The following LRRC4C variants were observed in gnomAD, a reference collection of about 807,000 sequenced individuals.
LRRC4C encodes leucine rich repeat containing 4C.
In LRRC4C, 5 loss-of-function variants were observed where a neutral mutation model predicts 33.6. The observed-to-expected ratio is 0.15, with a 90% confidence interval of 0.08 to 0.31. The LOEUF is 0.31. Among genes scored for constraint, LRRC4C ranks in the 10% least tolerant of loss-of-function variants. LRRC4C has a pLI of 1.00. For synonymous variants in LRRC4C, 329 were observed against 302.0 expected, an observed-to-expected ratio of 1.09 and a Z score of -0.93; for missense variants, 560 against 796.7, an observed-to-expected ratio of 0.70 and a Z score of 3.58.
At chr11:41,149,810 TAGTTGGAAAA>T (rs1943912460) in intron 1 of LRRC4C, among the ~76,000 whole-genome samples, 3 of 151,986 alleles carry the variant, frequency 2.0e-5, no homozygotes, top group Admixed American at 1.3e-4. Context: ...GAGTTAAGAG[TAGTTGGAAAA>T]GCATCTATTT....
At chr11:41,017,576 C>A (rs1590249642) in intron 1 of LRRC4C, among the ~76,000 whole-genome samples, 1 of 151,876 alleles carries the variant, frequency 6.6e-6, no homozygotes, top group South Asian at 2.1e-4. Context: ...GAGGTTATAG[C>A]AGTAAATATA....
chr11:40,894,087 T>G (rs1054687225), intron 2 of LRRC4C, among the ~76,000 whole-genome samples: 1 of 152,184 alleles, frequency 6.6e-6, no homozygotes, highest in Admixed American at 6.5e-5. Context: ...AATTCTTAGA[T>G]GCTTTGCAGA....
At chr11:41,153,798 C>G (rs1336012590) in intron 1 of LRRC4C, among the ~76,000 whole-genome samples, 1 of 152,050 alleles carries the variant, frequency 6.6e-6, no homozygotes, top group Non-Finnish European at 1.5e-5. Context: ...GTAAATATTA[C>G]CTCATTTGGA....
At chr11:41,025,650 G>T (rs1186631542) in intron 1 of LRRC4C, among the ~76,000 whole-genome samples, 3 of 151,816 alleles carry the variant, frequency 2.0e-5, no homozygotes, top group Non-Finnish European at 4.4e-5. Context: ...GCTGATGGCT[G>T]ATGTAGAAGC....
chr11:40,512,521 T>C (rs1294627575), intron 3 of LRRC4C, among the ~76,000 whole-genome samples: 2 of 152,170 alleles, frequency 1.3e-5, no homozygotes, highest in Non-Finnish European at 2.9e-5. Flanking sequence ...TGAAACATCT[T>C]ATGTAGATAT....
intron 2 of LRRC4C, among the ~76,000 whole-genome samples, chr11:40,794,598 G>A (rs1343158430): frequency 1.3e-5 from 2 of 152,108 alleles, no homozygotes; most frequent in Non-Finnish European, 2.9e-5. Flanking sequence ...GTTGAACTAG[G>A]TAATTACAAA....
At chr11:40,192,890 A>C (rs1189502696) in intron 5 of LRRC4C, among the ~76,000 whole-genome samples, 3 of 152,194 alleles carry the variant, frequency 2.0e-5, no homozygotes. Context: ...CTGTAGCCAG[A>C]CTGCCTCTCT....
At chr11:40,297,778 T>A (rs1191565682) in intron 4 of LRRC4C, among the ~76,000 whole-genome samples, 2 of 152,184 alleles carry the variant, frequency 1.3e-5, no homozygotes, top group Admixed American at 6.5e-5. Context: ...ATGTAATCCT[T>A]CCAACAATCT....
chr11:41,251,935 T>C (rs1387807899), intron 1 of LRRC4C, among the ~76,000 whole-genome samples: 2 of 151,604 alleles, frequency 1.3e-5, no homozygotes, highest in Non-Finnish European at 2.9e-5. Context: ...AAAAGAAAAA[T>C]GGAAAAATGT....
chr11:41,109,199 C>G (rs1239665216), intron 1 of LRRC4C, among the ~76,000 whole-genome samples: 1 of 151,924 alleles, frequency 6.6e-6, no homozygotes, highest in African/African-American at 2.4e-5. Context: ...TTACCCTGTA[C>G]TTTTCTACTA....
intron 3 of LRRC4C, among the ~76,000 whole-genome samples, chr11:40,345,684 C>G (rs1432299432): frequency 6.6e-6 from 1 of 151,998 alleles, no homozygotes; most frequent in Non-Finnish European, 1.5e-5. Flanking sequence ...GCAACACAAC[C>G]AAAAATTACC....
chr11:41,081,286 T>G (rs1939550149), intron 1 of LRRC4C, among the ~76,000 whole-genome samples: 1 of 152,316 alleles, frequency 6.6e-6, no homozygotes, highest in Admixed American at 6.5e-5. Context: ...ACTGCATGAT[T>G]TTGTTGGACC....
At chr11:40,662,143 C>G (rs1030517093) in intron 2 of LRRC4C, among the ~76,000 whole-genome samples, 3 of 152,194 alleles carry the variant, frequency 2.0e-5, no homozygotes, top group Admixed American at 6.5e-5. Flanking sequence ...ATCCTTCTAT[C>G]ATCTGCATAA....
chr11:40,358,765 C>T (rs986633422), intron 3 of LRRC4C, among the ~76,000 whole-genome samples: 2 of 152,144 alleles, frequency 1.3e-5, no homozygotes, highest in Non-Finnish European at 2.9e-5. Context: ...ATTTCTCCTT[C>T]CCTTTCTGAA....
At chr11:41,048,784 A>G (rs1857985788) in intron 1 of LRRC4C, among the ~76,000 whole-genome samples, 1 of 152,196 alleles carries the variant, frequency 6.6e-6, no homozygotes, top group South Asian at 2.1e-4. Flanking sequence ...GGTTCCTTCT[A>G]TGTGTTGGAC....
intron 2 of LRRC4C, among the ~76,000 whole-genome samples, chr11:40,915,257 A>C (rs1485736672): frequency 6.6e-6 from 1 of 152,212 alleles, no homozygotes; most frequent in Non-Finnish European, 1.5e-5. Flanking sequence ...GAGCCAAAAG[A>C]ACAAAGCTGG....
chr11:41,036,067 G>A (rs1322643348), intron 1 of LRRC4C, among the ~76,000 whole-genome samples: 1 of 99,462 alleles, frequency 1.0e-5, no homozygotes, highest in Admixed American at 9.8e-5. Flanking sequence ...TTTGTCTTTT[G>A]TTGTTTTTCT....
At chr11:40,319,947 C>A (rs1219023431) in intron 3 of LRRC4C, among the ~76,000 whole-genome samples, 2 of 151,694 alleles carry the variant, frequency 1.3e-5, no homozygotes, top group Non-Finnish European at 2.9e-5. Context: ...TATATATATA[C>A]AACATATAAA....
intron 1 of LRRC4C, among the ~76,000 whole-genome samples, chr11:41,220,023 C>T (rs918856157): frequency 1.3e-5 from 2 of 152,058 alleles, no homozygotes; most frequent in African/African-American, 2.4e-5. Flanking sequence ...AATTAAAAGG[C>T]TAGTAGGGAG....
Sources: allele counts gnomAD v4.1 joint callset (sites outside exome capture counted in the v4.1 genomes callset), GRCh38; gene constraint gnomAD v4.1.1; transcripts MANE v1.5; gene names NCBI Gene and HGNC (gene_info 2026-07-23, HGNC 2026-07-21).